Variants in TMEM267 observed in about 807,000 individuals in gnomAD.
TMEM267 encodes the protein transmembrane protein 267, also known as transmembrane protein C5orf28.
In TMEM267, 20 loss-of-function variants were observed where a neutral mutation model predicts 19.3. The ratio of observed to expected loss-of-function variants is 1.04; its 90% CI spans 0.73 to 1.51. The LOEUF is 1.51. TMEM267 is among the 40% of genes most tolerant of loss of function. The pLI is 0.00. For missense variants in TMEM267, 242 were observed against 261.9 expected (o/e 0.92, Z 0.52); for synonymous variants, 88 against 90.3 (o/e 0.97, Z 0.15).
intron 1 of TMEM267, among the ~76,000 whole-genome samples, chr5:43,457,225 T>C (rs1052425851): frequency 3.9e-5 from 6 of 152,196 alleles, no homozygotes; most frequent in Admixed American, 6.5e-5. Context: ...GTATCAAATA[T>C]ACCACACTAT....
Position 43,444,759 on chromosome 5 carries a change from A to G in TMEM267, c.*1463T>C, listed in dbSNP as rs1742149074. On this transcript the variant is annotated 3_prime_UTR_variant, in exon 3 of 3. Transcript: ENST00000397080. ...AAAAACTCTAATCAAATTTACCCCCACTATATAATATTTACCATTATACCA... is the reference window on the plus strand; with the variant it reads ...AAAAACTCTAATCAAATTTACCCCCGCTATATAATATTTACCATTATACCA... 6.6e-6 allele frequency: 1 copy of G among 152,080 alleles called. No homozygotes were observed. The highest frequency in any genetic ancestry group is 2.4e-5 in the African/African-American group (1 of 41,432). The allele number at this position is 152,080 out of a possible 1,614,324, so 9.4% of individuals were successfully genotyped here. A position where few individuals can be genotyped will look rare whatever the true frequency, so the allele number is the denominator to read the frequency against.
intron 1 of TMEM267, among the ~76,000 whole-genome samples, chr5:43,467,375 A>T (rs910414926): frequency 1.2e-4 from 18 of 152,152 alleles, no homozygotes; most frequent in African/African-American, 4.3e-4. Flanking sequence ...ACATAGACTG[A>T]AAGTGAAGGG....
intron 1 of TMEM267, among the ~76,000 whole-genome samples, chr5:43,459,189 T>C (rs1197010735): frequency 6.6e-6 from 1 of 152,182 alleles, no homozygotes; most frequent in African/African-American, 2.4e-5. Context: ...TTAGAAATTA[T>C]ACACCCATGT....
At chr5:43,459,888 A>T (rs948459190) in intron 1 of TMEM267, among the ~76,000 whole-genome samples, 1 of 152,198 alleles carries the variant, frequency 6.6e-6, no homozygotes, top group Non-Finnish European at 1.5e-5. Context: ...ATTCAAGTGC[A>T]TTACATTTAT....
intron 1 of TMEM267, among the ~76,000 whole-genome samples, chr5:43,480,364 A>G (rs1744683401): frequency 6.6e-6 from 1 of 152,124 alleles, no homozygotes; most frequent in Non-Finnish European, 1.5e-5. Flanking sequence ...CCCAGGCTGG[A>G]GTGCAGTGGC....
At chr5:43,456,180 G>A (rs1285008512) in intron 1 of TMEM267, among the ~76,000 whole-genome samples, 1 of 152,078 alleles carries the variant, frequency 6.6e-6, no homozygotes, top group African/African-American at 2.4e-5. Flanking sequence ...AATCAATGGA[G>A]GAAGAATATT....
chr5:43,464,837 A>T (rs184441668), intron 1 of TMEM267, among the ~76,000 whole-genome samples: 2 of 152,104 alleles, frequency 1.3e-5, no homozygotes, highest in Non-Finnish European at 2.9e-5. Flanking sequence ...GTGTTAGACC[A>T]AAAACCATAA....
intron 1 of TMEM267, among the ~76,000 whole-genome samples, chr5:43,465,243 A>G (rs1006684070): frequency 3.3e-5 from 5 of 152,240 alleles, no homozygotes; most frequent in African/African-American, 7.2e-5. Context: ...AATGCAAATC[A>G]AAACCACAAT....
At chr5:43,460,599 G>A (rs1442547074) in intron 1 of TMEM267, among the ~76,000 whole-genome samples, 1 of 151,944 alleles carries the variant, frequency 6.6e-6, no homozygotes, top group African/African-American at 2.4e-5. Context: ...GAATCACTAA[G>A]GCCACCCCTC....
chr5:43,455,280 A>T (rs1262586706), intron 1 of TMEM267, among the ~76,000 whole-genome samples: 1 of 151,920 alleles, frequency 6.6e-6, no homozygotes, highest in Non-Finnish European at 1.5e-5. Flanking sequence ...AAAATTAGCT[A>T]GGCGTGGTGG....
chr5:43,477,307 G>C (rs1744486906), intron 1 of TMEM267, among the ~76,000 whole-genome samples: 1 of 152,018 alleles, frequency 6.6e-6, no homozygotes. Flanking sequence ...ACCAGACACA[G>C]GCCGGGGGCG....
intron 1 of TMEM267, among the ~76,000 whole-genome samples, chr5:43,483,548 G>A (rs924927186): frequency 5.3e-5 from 8 of 152,270 alleles, no homozygotes; most frequent in African/African-American, 1.9e-4. Context: ...GGGTTCTAGG[G>A]ATCTAGAAAA....
chr5:43,483,312 T>C (rs983170956), intron 1 of TMEM267, among the ~76,000 whole-genome samples: 7 of 152,240 alleles, frequency 4.6e-5, no homozygotes, highest in Non-Finnish European at 2.9e-5. Context: ...CATCCTTTTC[T>C]GAGTCTGGTG....
chr5:43,483,110 T>C (rs576863288), intron 1 of TMEM267, among the ~76,000 whole-genome samples: 1 of 152,318 alleles, frequency 6.6e-6, no homozygotes, highest in South Asian at 2.1e-4. Flanking sequence ...ATTTCTTTAA[T>C]GGAAAAATAT....
At chr5:43,480,106 G>T in intron 1 of TMEM267, 1 of 250,912 alleles carries the variant, frequency 4.0e-6, no homozygotes, top group South Asian at 3.7e-5. Context: ...ACTGAAACAG[G>T]GACACTGAAA....
chr5:43,466,146 G>T (rs1454056916), intron 1 of TMEM267, among the ~76,000 whole-genome samples: 1 of 152,024 alleles, frequency 6.6e-6, no homozygotes, highest in Non-Finnish European at 1.5e-5. Context: ...AGTACAAGAA[G>T]CTTGTAGAAC....
At chr5:43,463,629 G>A (rs1743419801) in intron 1 of TMEM267, among the ~76,000 whole-genome samples, 1 of 152,174 alleles carries the variant, frequency 6.6e-6, no homozygotes, top group Non-Finnish European at 1.5e-5. Context: ...CTTCATCCCT[G>A]GGATGCAAGG....
chr5:43,466,227 A>C (rs915213762), intron 1 of TMEM267, among the ~76,000 whole-genome samples: 1 of 152,178 alleles, frequency 6.6e-6, no homozygotes, highest in African/African-American at 2.4e-5. Context: ...GGTCAAGGAT[A>C]AAGTAACAAT....
rs1238730223 is a variant in TMEM267, at chr5:43,453,850, G to A, written c.120C>T (p.Ser40=). 1 of 1,614,036 alleles carries A rather than the reference G, an allele frequency of 6.2e-7. No homozygotes were observed. Among genetic ancestry groups the A allele is most frequent in the African/African-American group, 1.3e-5 (1 of 75,026 alleles). ...GAAGCCAGTCATTTTGCTGAATTGT[G>A]GAAAACTGAAGAAGTCTGTCAGCTA... The part of the protein sequence containing the change: ...CLVADRLLQF[S]TIQQNDWLRA... Residue 40 remains serine, a synonymous_variant, in exon 2 of 3, where the codon TCC becomes TCT. Coordinates refer to ENST00000397080, the MANE Select transcript of TMEM267 (RefSeq NM_022483.5).
Sources: allele counts gnomAD v4.1 joint callset (sites outside exome capture counted in the v4.1 genomes callset), GRCh38; gene constraint gnomAD v4.1.1; transcripts MANE v1.5; gene names NCBI Gene and HGNC (gene_info 2026-07-23, HGNC 2026-07-21).